STK39: variants seen among roughly 807,000 people sequenced by gnomAD.
STK39 encodes STE20/SPS1-related proline-alanine-rich protein kinase.
STK39 carries 20 observed loss-of-function variants against 77.8 expected under a neutral mutation model. The observed-to-expected ratio is 0.26, with a 90% CI of 0.18 to 0.37. The LOEUF is 0.37. Ranked by LOEUF, STK39 falls within the 10% of genes least tolerant of loss-of-function variation. The pLI, the probability that STK39 is intolerant of heterozygous loss-of-function variation, is 1.00. For synonymous variants in STK39, 246 were observed against 234.1 expected, an observed-to-expected ratio of 1.05 and a Z score of -0.47; for missense variants, 479 against 656.5, an observed-to-expected ratio of 0.73 and a Z score of 2.95.
intron 13 of STK39, among the ~76,000 whole-genome samples, 186 bp downstream of exon 13, chr2:168,065,133 G>A (rs1449491021): frequency 6.6e-6 from 1 of 152,060 alleles, no homozygotes; most frequent in African/African-American, 2.4e-5. Context: ...TCTCACTCTT[G>A]AGCCTATCAT....
intron 1 of STK39, among the ~76,000 whole-genome samples, chr2:168,217,138 G>A (rs572932972): frequency 6.6e-6 from 1 of 152,170 alleles, no homozygotes; most frequent in Non-Finnish European, 1.5e-5. Flanking sequence ...AGCTCTACCT[G>A]TGTCTTCAAA....
At chr2:168,161,902 C>T in intron 4 of STK39, 60 bp from the exon 5 acceptor site, 1 of 1,279,902 alleles carries the variant, frequency 7.8e-7, no homozygotes, top group Non-Finnish European at 1.1e-6. Context: ...TGTATTGATT[C>T]ACTCAGGAAG....
chr2:167,969,814 A>G (rs1248183599), intron 16 of STK39, among the ~76,000 whole-genome samples: 1 of 152,112 alleles, frequency 6.6e-6, no homozygotes, highest in African/African-American at 2.4e-5. Flanking sequence ...GGCTTCTAAC[A>G]TGTAGGCAGA....
chr2:168,051,059 T>G (rs1685383085), intron 14 of STK39, among the ~76,000 whole-genome samples: 1 of 152,158 alleles, frequency 6.6e-6, no homozygotes, highest in Admixed American at 6.5e-5. Context: ...ACTCAGCATC[T>G]CAAGGAAGAA....
chr2:168,012,758 C>A, intron 15 of STK39, 56 bp from the exon 16 acceptor site: 1 of 1,435,056 alleles, frequency 7.0e-7, no homozygotes, highest in African/African-American at 1.4e-5. Flanking sequence ...AATCAACAAC[C>A]CAGTACAATG....
intron 5 of STK39, among the ~76,000 whole-genome samples, chr2:168,147,641 C>A (rs1170312569): frequency 6.6e-6 from 1 of 152,058 alleles, no homozygotes; most frequent in East Asian, 1.9e-4. Context: ...ATACCACAGG[C>A]TAACAGAGTT....
intron 2 of STK39, among the ~76,000 whole-genome samples, chr2:168,180,340 C>G (rs761412128): frequency 1.1e-4 from 15 of 142,566 alleles, no homozygotes; most frequent in Non-Finnish European, 1.9e-4. Context: ...GAGTGAGACT[C>G]TGTCTCAAAA....
intron 1 of STK39, among the ~76,000 whole-genome samples, chr2:168,191,018 T>C (rs1436216014): frequency 6.6e-6 from 1 of 152,208 alleles, no homozygotes; most frequent in African/African-American, 2.4e-5. Flanking sequence ...GGTTTGAATA[T>C]GTATGCTGTG....
At chr2:168,118,715 AC>A (rs1197414949) in intron 10 of STK39, among the ~76,000 whole-genome samples, 1 of 151,326 alleles carries the variant, frequency 6.6e-6, no homozygotes, top group Non-Finnish European at 1.5e-5. Context: ...TGCCTAATTC[AC>A]CCCCAGTGCG....
chr2:168,145,922 T>C (rs1213100128), intron 5 of STK39, among the ~76,000 whole-genome samples: 4 of 152,212 alleles, frequency 2.6e-5, no homozygotes, highest in Non-Finnish European at 5.9e-5. Context: ...AGAGGTATGA[T>C]ACATGTTAGA....
chr2:168,121,200 T>G (rs1169001526), intron 10 of STK39, among the ~76,000 whole-genome samples: 3 of 152,126 alleles, frequency 2.0e-5, no homozygotes, highest in Non-Finnish European at 2.9e-5. Context: ...AGAACTGGAG[T>G]TCACTCCTGC....
chr2:168,077,483 G>A (rs1686110750), intron 10 of STK39, among the ~76,000 whole-genome samples: 1 of 152,076 alleles, frequency 6.6e-6, no homozygotes, highest in Admixed American at 6.5e-5. Context: ...TAGGATTATA[G>A]CTCTAGACAT....
chr2:168,178,760 A>T lies in STK39; in HGVS notation c.321+3218T>A, dbSNP rs565347308. The stretch of plus-strand genomic sequence containing the variant: ...CTGTAATTAGCACTTCCCTTCAGAA[A>T]TGATGACTGCTTGACTCCTTCTTCA... On this transcript the variant is annotated intron_variant, in intron 2 of 17. Transcript: ENST00000355999. 3.3e-5 allele frequency among the ~76,000 whole-genome samples: 5 copies of T among 152,362 alleles called. No individual in the cohort carries two copies. The East Asian group carries it at 5.8e-4, about 18-fold the overall frequency.
At chr2:168,087,432 T>G (rs1342728517) in intron 10 of STK39, among the ~76,000 whole-genome samples, 1 of 152,208 alleles carries the variant, frequency 6.6e-6, no homozygotes, top group Non-Finnish European at 1.5e-5. Flanking sequence ...CGTGATTAAG[T>G]CCATAATTGA....
At chr2:168,190,299 T>C (rs1689307876) in intron 1 of STK39, among the ~76,000 whole-genome samples, 1 of 152,216 alleles carries the variant, frequency 6.6e-6, no homozygotes, top group South Asian at 2.1e-4. Flanking sequence ...CAGGCACTGG[T>C]GGGCTATATA....
In STK39 at chr2:168,029,025, G is replaced by A. The variant is rs1464525106; in HGVS notation, c.1377-11930C>T. Among the ~76,000 whole-genome samples, 15 of 152,144 alleles carry A rather than the reference G, an allele frequency of 9.9e-5. 1 individual carries two copies. The highest frequency in any genetic ancestry group is 9.8e-4 in the Admixed American group (15 of 15,270). ...AGTTTATATCTTTAAGGCACAAACT[G>A]TTACAAACTCTAACTATTAAGGACA... On this transcript the variant is annotated intron_variant, in intron 14 of 17. Coordinates refer to ENST00000355999, the MANE Select transcript of STK39 (RefSeq NM_013233.3).
intron 5 of STK39, among the ~76,000 whole-genome samples, chr2:168,145,834 A>T (rs1323327515): frequency 6.6e-6 from 1 of 152,122 alleles, no homozygotes; most frequent in African/African-American, 2.4e-5. Flanking sequence ...CTATTATCCA[A>T]ATCTAAATAT....
rs60443441 is a variant in STK39 at position 167,956,564 on chromosome 2, GA to G, written c.1564-995del. ...GGCGACAGAGCGAGACTCCACCTCA[GA>G]AAAAAAAAAAAAAGGAAGCCATTTC... On this transcript the variant is annotated intron_variant, in intron 17 of 17. Transcript: ENST00000355999. Among the ~76,000 whole-genome samples the G allele has an allele frequency of 3.5e-3, 448 of 126,472 alleles. 5 individuals carry two copies. Among genetic ancestry groups the G allele is most frequent in the Non-Finnish European group, 2.9e-3 (173 of 59,600 alleles). 83.0% of individuals were successfully genotyped at this position (126,472 alleles called of 152,430 possible). A position where few individuals can be genotyped will look rare whatever the true frequency, so the allele number is the denominator to read the frequency against.
chr2:168,118,602 C>A (rs1336935975), intron 10 of STK39, among the ~76,000 whole-genome samples: 51 of 119,322 alleles, frequency 4.3e-4, no homozygotes, highest in African/African-American at 1.0e-3. Context: ...CATATGCTTT[C>A]AAAAAAAAAA....
Sources: gnomAD v4.1 joint callset for allele counts (sites outside exome capture counted in the v4.1 genomes callset) on GRCh38, gnomAD v4.1.1 for gene constraint, MANE v1.5 for transcripts, NCBI Gene and HGNC (gene_info 2026-07-23, HGNC 2026-07-21) for gene names.